The following TTLL11 variants were observed in gnomAD, a reference collection of about 807,000 sequenced individuals.
TTLL11 encodes the protein tubulin polyglutamylase TTLL11.
Under a neutral mutation model 51.7 loss-of-function variants are expected in TTLL11, and 42 were observed. The observed-to-expected ratio is 0.81, with a 90% CI of 0.64 to 1.05. The LOEUF is 1.05. Ranked by LOEUF, TTLL11 falls within the 50% of genes least tolerant of loss-of-function variation. The pLI is 0.00. For synonymous variants in TTLL11, 381 were observed against 383.5 expected (o/e 0.99, Z 0.08); for missense variants, 799 against 940.4 (o/e 0.85, Z 1.97).
chr9:121,967,392 T>A (rs58039481), intron 6 of TTLL11, among the ~76,000 whole-genome samples: 23,537 of 151,624 alleles, frequency 0.16, 2,559 homozygotes, highest in African/African-American at 0.31. Flanking sequence ...GCCCAGCTAA[T>A]TTTTGTATTT....
At chr9:122,041,566 C>T (rs1289863122) in intron 1 of TTLL11, among the ~76,000 whole-genome samples, 2 of 152,152 alleles carry the variant, frequency 1.3e-5, no homozygotes, top group African/African-American at 4.8e-5. Context: ...TAAACAAATT[C>T]AGCAAAGTTG....
intron 1 of TTLL11, among the ~76,000 whole-genome samples, chr9:122,044,692 G>A (rs1233471653): frequency 3.3e-5 from 5 of 152,140 alleles, no homozygotes; most frequent in African/African-American, 1.2e-4. Flanking sequence ...GTCCTGAATA[G>A]ACATTTCTCC....
rs1201397146 is a variant in TTLL11 at position 121,989,472 on chromosome 9, G to T, written c.992C>A (p.Thr331Asn). 1 of 1,614,046 alleles carries T rather than the reference G, an allele frequency of 6.2e-7. No individual in the cohort carries two copies. Among genetic ancestry groups the T allele is most frequent in the Non-Finnish European group, 8.5e-7 (1 of 1,180,040 alleles). ...AAAGATGCGGTGCAGGTTTTTGGGG[G>T]TGGGCTCCTGATATGGCTCGGTACA... ...RFCTEPYQEP[T>N]PKNLHRIFMH... Residue 331 changes from threonine to asparagine, a missense_variant, in exon 4 of 9, where the codon ACC (threonine) becomes AAC (asparagine). Around this residue, in one of 3 missense-constraint regions of TTLL11, gnomAD observed 468 missense variants for 612.8 expected, o/e 0.76. Transcript: ENST00000321582. The surrounding 1 kb of genome is among the most constrained non-coding windows in gnomAD (Gnocchi z 4.2).
chr9:121,918,055 T>C (rs1159904046), intron 6 of TTLL11, among the ~76,000 whole-genome samples: 1 of 151,784 alleles, frequency 6.6e-6, no homozygotes. Flanking sequence ...AAACATGAGG[T>C]GGGCCTCGGT....
At chr9:122,018,978 G>T (rs927069013) in intron 3 of TTLL11, among the ~76,000 whole-genome samples, 17 of 152,194 alleles carry the variant, frequency 1.1e-4, no homozygotes, top group African/African-American at 4.1e-4. Context: ...CCATCTCCAA[G>T]GAGTTAACTT....
At chr9:121,899,071 C>G (rs1369194491) in intron 6 of TTLL11, among the ~76,000 whole-genome samples, 1 of 152,124 alleles carries the variant, frequency 6.6e-6, no homozygotes, top group Non-Finnish European at 1.5e-5. Flanking sequence ...TGTCAATGAG[C>G]TGCTTACATC....
chr9:121,843,709 G>A (rs924345481), intron 8 of TTLL11, among the ~76,000 whole-genome samples: 2 of 152,092 alleles, frequency 1.3e-5, no homozygotes, highest in Non-Finnish European at 2.9e-5. Context: ...GTCTTGCCCT[G>A]TCACCCAGGT....
chr9:122,032,489 G>C (rs759260356), intron 2 of TTLL11, among the ~76,000 whole-genome samples: 5 of 152,028 alleles, frequency 3.3e-5, no homozygotes, highest in Non-Finnish European at 7.4e-5. Flanking sequence ...CACTGACATT[G>C]ATCCTATCTC....
At chr9:121,888,405 A>C (rs1839097529) in intron 6 of TTLL11, among the ~76,000 whole-genome samples, 1 of 152,192 alleles carries the variant, frequency 6.6e-6, no homozygotes, top group Non-Finnish European at 1.5e-5. Flanking sequence ...CTTAGGTTTT[A>C]GGGCTCAGGA....
intron 6 of TTLL11, among the ~76,000 whole-genome samples, chr9:121,882,624 C>T (rs1411009414): frequency 6.6e-6 from 1 of 152,118 alleles, no homozygotes; most frequent in Non-Finnish European, 1.5e-5. Context: ...TGACCTGCTC[C>T]CTGCCCACAG....
intron 8 of TTLL11, among the ~76,000 whole-genome samples, chr9:121,835,092 G>T (rs1027385739): frequency 1.3e-5 from 2 of 152,164 alleles, no homozygotes; most frequent in African/African-American, 4.8e-5. Flanking sequence ...GGCCTCACTT[G>T]CTTCCCCTCT....
chr9:122,089,543 T>G (rs1354757493), intron 1 of TTLL11, among the ~76,000 whole-genome samples: 1 of 152,208 alleles, frequency 6.6e-6, no homozygotes, highest in Non-Finnish European at 1.5e-5. Flanking sequence ...ACTTTAAAGT[T>G]TAGCTACTCT....
At chr9:121,835,497 C>A (rs1163456449) in intron 8 of TTLL11, among the ~76,000 whole-genome samples, 2 of 152,184 alleles carry the variant, frequency 1.3e-5, no homozygotes, top group African/African-American at 2.4e-5. Context: ...TGCACATGTG[C>A]AGTCATTGTA....
At chr9:121,849,273 C>T (rs1251636208) in intron 8 of TTLL11, among the ~76,000 whole-genome samples, 1 of 152,110 alleles carries the variant, frequency 6.6e-6, no homozygotes, top group Non-Finnish European at 1.5e-5. Context: ...GATCACAGAC[C>T]TACGTGTAAA....
chr9:122,041,013 C>G (rs1042615927), intron 1 of TTLL11, among the ~76,000 whole-genome samples: 4 of 152,098 alleles, frequency 2.6e-5, no homozygotes, highest in Non-Finnish European at 4.4e-5. Flanking sequence ...GCTTTGTTGC[C>G]CACAATGAGG....
rs111674451 is a variant in TTLL11 at position 122,034,325 on chromosome 9, A to G, written c.560-2469T>C. ...AGTCAATATTCATTTAATATCGGCAATGGCTCCTTCTGTAATGTGCACCAT... is the reference window on the plus strand; with the variant it reads ...AGTCAATATTCATTTAATATCGGCAGTGGCTCCTTCTGTAATGTGCACCAT... On this transcript the variant is annotated intron_variant, in intron 2 of 8. Transcript: ENST00000321582. Among the ~76,000 whole-genome samples, 78 of 152,318 alleles carry G rather than the reference A, an allele frequency of 5.1e-4. 2 individuals carry two copies. Among genetic ancestry groups the G allele is most frequent in the African/African-American group, 1.9e-3 (77 of 41,582 alleles).
chr9:121,822,708 C>T lies in TTLL11; in HGVS notation c.2012G>A (p.Arg671Gln), dbSNP rs200414996. The change falls in exon 9 of 9, where the codon CGG becomes CAG. Residue 671 changes from arginine (R) to glutamine (Q), a missense_variant. By Grantham distance (43) the Arg-to-Gln change is conservative (BLOSUM62 1). This residue lies in a region of TTLL11 where 165 missense variants were observed against 166.1 expected (regional missense o/e 0.99). Coordinates refer to ENST00000321582, the MANE Select transcript of TTLL11 (RefSeq NM_001139442.2). The surrounding 1 kb of genome is among the most constrained non-coding windows in gnomAD (Gnocchi z 5.8). ...VCGRGVPSGG[R>Q]PPHRGPPQEP... is the part of the protein sequence containing the mutation. ...CTGGGGAGGGCCACGGTGTGGGGGC[C>T]GGCCCCCCGACGGGACGCCCCGGCC... 56 of 1,549,766 alleles carry T rather than the reference C, an allele frequency of 3.6e-5. No homozygotes were observed. Among genetic ancestry groups the T allele is most frequent in the Non-Finnish European group, 4.3e-5 (49 of 1,146,694 alleles).
At chr9:121,990,299 C>T (rs1453848415) in intron 3 of TTLL11, among the ~76,000 whole-genome samples, 1 of 152,164 alleles carries the variant, frequency 6.6e-6, no homozygotes, top group African/African-American at 2.4e-5. Context: ...TGCTCCTTAC[C>T]CTGCAGCCTT....
intron 3 of TTLL11, among the ~76,000 whole-genome samples, chr9:122,030,724 C>T (rs1844511067): frequency 6.7e-6 from 1 of 149,944 alleles, no homozygotes; most frequent in Non-Finnish European, 1.5e-5. Context: ...GAGATCGAGA[C>T]CAGCCTGGCC....
Sources: allele counts gnomAD v4.1 joint callset (sites outside exome capture counted in the v4.1 genomes callset), GRCh38; gene constraint gnomAD v4.1.1; regional missense constraint gnomAD v4.1.1; non-coding constraint Gnocchi (gnomAD v3.1); transcripts MANE v1.5; gene names NCBI Gene and HGNC (gene_info 2026-07-23, HGNC 2026-07-21).